Variants in KCNH1 observed in about 807,000 individuals in gnomAD.
KCNH1 encodes the protein potassium voltage-gated channel subfamily H member 1, also known as voltage-gated delayed rectifier potassium channel KCNH1.
A neutral mutation model predicts 69.2 loss-of-function variants in KCNH1; 27 were observed. The ratio of observed to expected loss-of-function variants is 0.39; its 90% CI spans 0.29 to 0.54. KCNH1 has a LOEUF of 0.54. Ranked by LOEUF, KCNH1 falls within the 20% of genes least tolerant of loss-of-function variation. KCNH1 has a pLI of 0.68. For missense variants in KCNH1, 798 were observed against 1,261.6 expected, an observed-to-expected ratio of 0.63 and a Z score of 5.57; for synonymous variants, 456 against 487.7, an observed-to-expected ratio of 0.93 and a Z score of 0.86.
intron 6 of KCNH1, among the ~76,000 whole-genome samples, chr1:210,922,706 G>T (rs1687490232): frequency 6.6e-6 from 1 of 152,050 alleles, no homozygotes; most frequent in Non-Finnish European, 1.5e-5. Context: ...GACTAATGAG[G>T]GTAAATGGAT....
At position 210,964,299 on chromosome 1, in the gene KCNH1, G is replaced by A. The variant is rs532101943; in HGVS notation, c.1033-44230C>T. On this transcript the variant is annotated intron_variant, in intron 6 of 10. Coordinates refer to ENST00000271751, the MANE Select transcript of KCNH1 (RefSeq NM_172362.3). ...GCTCCTGAAGGAAGCACTAAACATGGAAAGGAACAACTAGTATCAGCCACT... is the reference window on the plus strand; with the variant it reads ...GCTCCTGAAGGAAGCACTAAACATGAAAAGGAACAACTAGTATCAGCCACT... 5.9e-5 allele frequency among the ~76,000 whole-genome samples: 9 copies of A among 152,280 alleles called. 1 individual carries two copies. The South Asian group carries it at 1.9e-3, about 32-fold the overall frequency.
In KCNH1 at chr1:210,749,121, G is replaced by A. The variant is rs548337732; in HGVS notation, c.2112+26227C>T. ...GGCTCTTGATACCCTGCAGTCCCTC[G>A]TCTTGCTCAAATGCCACCAGGGTCC... is the stretch of plus-strand genomic sequence containing the variant. On this transcript the variant is annotated intron_variant, in intron 10 of 10. Coordinates refer to ENST00000271751, the MANE Select transcript of KCNH1 (RefSeq NM_172362.3). 1.6e-4 allele frequency among the ~76,000 whole-genome samples: 24 copies of A among 152,176 alleles called. 1 individual carries two copies. In the South Asian group the frequency reaches 4.4e-3, roughly 28 times the overall value.
chr1:211,062,887 G>C (rs1690455011), intron 5 of KCNH1, among the ~76,000 whole-genome samples: 1 of 152,172 alleles, frequency 6.6e-6, no homozygotes, highest in Admixed American at 6.5e-5. Context: ...CCTCTGTGGA[G>C]AACGATTTGG....
chr1:211,048,716 T>C (rs377494784), intron 5 of KCNH1, among the ~76,000 whole-genome samples: 1 of 152,140 alleles, frequency 6.6e-6, no homozygotes, highest in African/African-American at 2.4e-5. Flanking sequence ...GAGTGAGGAA[T>C]AAAAGACTGC....
chr1:211,020,384 G>T (rs1689567490), intron 5 of KCNH1, among the ~76,000 whole-genome samples: 1 of 151,826 alleles, frequency 6.6e-6, no homozygotes, highest in East Asian at 1.9e-4. Context: ...AAACCTAGAG[G>T]AAATGGATAA....
chr1:210,915,532 C>T (rs1340447259), intron 7 of KCNH1, among the ~76,000 whole-genome samples: 1 of 152,048 alleles, frequency 6.6e-6, no homozygotes, highest in Admixed American at 6.6e-5. Flanking sequence ...TACCACAGAT[C>T]TACACAGGGA....
chr1:210,907,251 G>C (rs1687121075), intron 7 of KCNH1, among the ~76,000 whole-genome samples: 2 of 152,250 alleles, frequency 1.3e-5, no homozygotes, highest in South Asian at 4.1e-4. Flanking sequence ...AGTAGTCAGG[G>C]TACAATGGCT....
intron 2 of KCNH1, among the ~76,000 whole-genome samples, 195 bp downstream of exon 2, chr1:211,107,059 G>A (rs2102485980): frequency 6.6e-6 from 1 of 152,292 alleles, no homozygotes; most frequent in South Asian, 2.1e-4. Context: ...AAGTTTGTCA[G>A]TTGTGGGAAC....
At chr1:210,802,294 A>ACAATTCTAAT (rs1684445687) in intron 8 of KCNH1, among the ~76,000 whole-genome samples, 1 of 152,242 alleles carries the variant, frequency 6.6e-6, no homozygotes, top group Non-Finnish European at 1.5e-5. Context: ...CTCTCAACTG[A>ACAATTCTAAT]CAATTCTAAT....
intron 5 of KCNH1, among the ~76,000 whole-genome samples, chr1:211,075,078 A>G (rs1690708937): frequency 6.6e-6 from 1 of 152,252 alleles, no homozygotes; most frequent in Non-Finnish European, 1.5e-5. Flanking sequence ...AGGCCAGTGT[A>G]GCCGAATAAG....
rs1272334034 is a variant in KCNH1 at position 211,023,144 on chromosome 1, AAATAAATAAATAAATAAATT to A, written c.559-3908_559-3889del. On this transcript the variant is annotated intron_variant, in intron 5 of 10. Transcript: ENST00000271751. ...TAAATAAATAAATAAATAAATAAAT[AAATAAATAAATAAATAAATT>A]AAAAATGCTGGTGAGGATCCAGATG... Among the ~76,000 whole-genome samples the A allele has an allele frequency of 2.0e-3, 291 of 147,404 alleles. 1 individual carries two copies. Among genetic ancestry groups the A allele is most frequent in the African/African-American group, 6.6e-3 (260 of 39,480 alleles).
chr1:210,927,459 C>A (rs1175604440), intron 6 of KCNH1, among the ~76,000 whole-genome samples: 1 of 152,114 alleles, frequency 6.6e-6, no homozygotes, highest in Non-Finnish European at 1.5e-5. Flanking sequence ...TCCAGCAAAA[C>A]CAAACTTCAT....
At chr1:210,843,561 T>C (rs937684348) in intron 7 of KCNH1, among the ~76,000 whole-genome samples, 1 of 152,144 alleles carries the variant, frequency 6.6e-6, no homozygotes. Context: ...ACACCTGACA[T>C]ACTAGGGCTA....
At chr1:211,049,909 T>G (rs1273836895) in intron 5 of KCNH1, among the ~76,000 whole-genome samples, 1 of 152,114 alleles carries the variant, frequency 6.6e-6, no homozygotes, top group East Asian at 1.9e-4. Flanking sequence ...GTCATCTCCC[T>G]GGACAGTGGC....
At chr1:211,106,117 C>T (rs1375983189) in intron 2 of KCNH1, among the ~76,000 whole-genome samples, 1 of 152,218 alleles carries the variant, frequency 6.6e-6, no homozygotes, top group Non-Finnish European at 1.5e-5. Flanking sequence ...CTTCTCCACT[C>T]TTCATAGATG....
At chr1:210,925,516 G>C (rs760257808) in intron 6 of KCNH1, among the ~76,000 whole-genome samples, 2 of 152,176 alleles carry the variant, frequency 1.3e-5, no homozygotes, top group African/African-American at 4.8e-5. Context: ...AAATAGACTC[G>C]GTGCTGTTGC....
At chr1:210,910,805 A>G (rs780839426) in intron 7 of KCNH1, among the ~76,000 whole-genome samples, 1 of 152,262 alleles carries the variant, frequency 6.6e-6, no homozygotes, top group Non-Finnish European at 1.5e-5. Flanking sequence ...TCAATCATTC[A>G]TCATTATTAA....
At chr1:210,822,799 G>GTC (rs1684957163) in intron 7 of KCNH1, among the ~76,000 whole-genome samples, 1 of 152,112 alleles carries the variant, frequency 6.6e-6, no homozygotes, top group Admixed American at 6.6e-5. Flanking sequence ...GCCCTTGTCA[G>GTC]TCTCTCCAAG....
intron 7 of KCNH1, among the ~76,000 whole-genome samples, chr1:210,877,052 C>T (rs1476661734): frequency 3.8e-5 from 5 of 130,752 alleles, no homozygotes; most frequent in African/African-American, 8.9e-5. Flanking sequence ...TTTAGGATGA[C>T]TTTAATCCTC....
Sources: allele counts gnomAD v4.1 joint callset (sites outside exome capture counted in the v4.1 genomes callset), GRCh38; gene constraint gnomAD v4.1.1; transcripts MANE v1.5; gene names NCBI Gene and HGNC (gene_info 2026-07-23, HGNC 2026-07-21).